The following KIAA0825 variants were observed in gnomAD, a reference collection of about 807,000 sequenced individuals.
KIAA0825 encodes the protein KIAA0825.
A neutral mutation model predicts 147.6 loss-of-function variants in KIAA0825; 119 were observed. The ratio of observed to expected loss-of-function variants is 0.81; its 90% confidence interval spans 0.69 to 0.94. KIAA0825 has a LOEUF of 0.94. KIAA0825 is among the 40% of genes least tolerant of loss of function. The pLI, the probability that KIAA0825 is intolerant of heterozygous loss-of-function variation, is 0.00. For missense variants in KIAA0825, 1,381 were observed against 1,472.7 expected, an observed-to-expected ratio of 0.94 and a Z score of 1.02; for synonymous variants, 470 against 518.1, an observed-to-expected ratio of 0.91 and a Z score of 1.26.
At position 94,484,763 on chromosome 5, in the gene KIAA0825, T is replaced by C; in HGVS notation, c.1132+6A>G. The C allele has an allele frequency of 1.4e-6, 2 of 1,462,106 alleles. No homozygotes were observed. The highest frequency in any genetic ancestry group is 1.8e-6 in the Non-Finnish European group (2 of 1,090,066). The allele number at this position is 1,462,106 out of a possible 1,614,324, so 90.6% of individuals were successfully genotyped here. A position where few individuals can be genotyped will look rare whatever the true frequency, so the allele number is the denominator to read the frequency against. On this transcript the variant is annotated splice_donor_region_variant and intron_variant, in intron 6 of 20. Coordinates refer to ENST00000682413, the MANE Select transcript of KIAA0825 (RefSeq NM_001145678.3). ...ATTTACAAATTTAAACAAAAGAGGA[T>C]ATTACCTGAAGTATCCCTGGTTATC...
chr5:94,258,920 C>T (rs1241074099), intron 20 of KIAA0825, among the ~76,000 whole-genome samples: 1 of 151,984 alleles, frequency 6.6e-6, no homozygotes, highest in Non-Finnish European at 1.5e-5. Context: ...GGGGTAATCT[C>T]TCACGACTCC....
chr5:94,473,850 A>G (rs1040975629), intron 7 of KIAA0825, among the ~76,000 whole-genome samples: 2 of 152,242 alleles, frequency 1.3e-5, no homozygotes, highest in Non-Finnish European at 2.9e-5. Flanking sequence ...ACTATTTATC[A>G]CATAAAACAA....
At chr5:94,552,958 A>G (rs1376099855) in intron 2 of KIAA0825, among the ~76,000 whole-genome samples, 2 of 152,224 alleles carry the variant, frequency 1.3e-5, no homozygotes, top group East Asian at 1.9e-4. Flanking sequence ...ATGGCACTGT[A>G]AAATTCCCAT....
intron 3 of KIAA0825, among the ~76,000 whole-genome samples, chr5:94,526,210 C>T (rs772814903): frequency 3.3e-5 from 5 of 151,918 alleles, no homozygotes; most frequent in South Asian, 4.1e-4. Flanking sequence ...ACTTAATTTT[C>T]ACCATTTAAA....
At chr5:94,396,062 C>A in intron 17 of KIAA0825, 39 bp downstream of exon 17, 1 of 1,392,890 alleles carries the variant, frequency 7.2e-7, no homozygotes, top group Non-Finnish European at 9.4e-7. Flanking sequence ...ATTGTGAAAG[C>A]ATTTGATGAA....
At chr5:94,534,997 T>C (rs1220166454) in intron 3 of KIAA0825, among the ~76,000 whole-genome samples, 1 of 152,100 alleles carries the variant, frequency 6.6e-6, no homozygotes, top group Non-Finnish European at 1.5e-5. Context: ...TATAAATACA[T>C]AATTACCCTA....
chr5:94,275,583 A>T (rs1202619669), intron 20 of KIAA0825, among the ~76,000 whole-genome samples: 1 of 152,144 alleles, frequency 6.6e-6, no homozygotes, highest in Non-Finnish European at 1.5e-5. Flanking sequence ...TCTTTGTTGA[A>T]TGAATGAATG....
At chr5:94,512,761 G>A (rs549567939) in intron 5 of KIAA0825, among the ~76,000 whole-genome samples, 69 of 152,176 alleles carry the variant, frequency 4.5e-4, no homozygotes, top group African/African-American at 1.6e-3. Flanking sequence ...GCCGGGCATG[G>A]TGGCAGGAGC....
At position 94,158,357 on chromosome 5, in the gene KIAA0825, G is replaced by C. The variant is rs536021416; in HGVS notation, c.3711-4233C>G. Among the ~76,000 whole-genome samples, 8 of 152,134 alleles carry C rather than the reference G, an allele frequency of 5.3e-5. No homozygotes were observed. In the East Asian group the frequency reaches 1.4e-3, roughly 26 times the overall value. On this transcript the variant is annotated intron_variant, in intron 20 of 20. Coordinates refer to ENST00000682413, the MANE Select transcript of KIAA0825 (RefSeq NM_001145678.3). ...TTTGGAGGAAGTTTGCCAAATTTGC[G>C]CTAGAATGATAGTTCTTAACTGGGG...
At chr5:94,573,270 G>T (rs1350430113) in intron 2 of KIAA0825, among the ~76,000 whole-genome samples, 9 of 124,894 alleles carry the variant, frequency 7.2e-5, no homozygotes, top group East Asian at 4.7e-4. Flanking sequence ...CTTTTTAAGT[G>T]TTTTTTTTTT....
At chr5:94,304,889 T>C (rs911328850) in intron 20 of KIAA0825, among the ~76,000 whole-genome samples, 1 of 152,032 alleles carries the variant, frequency 6.6e-6, no homozygotes, top group Non-Finnish European at 1.5e-5. Context: ...CTACATTTGT[T>C]ATTCTGCAAT....
intron 20 of KIAA0825, among the ~76,000 whole-genome samples, chr5:94,237,783 T>G (rs1238972054): frequency 1.3e-5 from 2 of 152,166 alleles, no homozygotes; most frequent in Admixed American, 6.6e-5. Context: ...TGATATAAAC[T>G]ATTCTTCCTA....
At chr5:94,505,399 TC>T (rs1765628619) in intron 5 of KIAA0825, among the ~76,000 whole-genome samples, 1 of 151,496 alleles carries the variant, frequency 6.6e-6, no homozygotes, top group South Asian at 2.1e-4. Flanking sequence ...TAAGTCTTCA[TC>T]CCCTTTTTTT....
chr5:94,433,594 T>G (rs1429457230), intron 14 of KIAA0825, among the ~76,000 whole-genome samples: 1 of 152,212 alleles, frequency 6.6e-6, no homozygotes, highest in African/African-American at 2.4e-5. Context: ...GCTGCCTGGG[T>G]CAAATCCTTC....
intron 20 of KIAA0825, among the ~76,000 whole-genome samples, chr5:94,187,751 C>G (rs1369854638): frequency 1.3e-5 from 2 of 152,070 alleles, no homozygotes; most frequent in African/African-American, 4.8e-5. Flanking sequence ...AAAACAAATT[C>G]CAAGGCCTAA....
rs1189398609 is a variant in KIAA0825 at position 94,312,051 on chromosome 5, TA to T, written c.3710+72316del. 7.9e-5 allele frequency among the ~76,000 whole-genome samples: 12 copies of T among 151,766 alleles called. No individual in the cohort carries two copies. The South Asian group carries it at 2.1e-3, about 26-fold the overall frequency. On this transcript the variant is annotated intron_variant, in intron 20 of 20. Transcript: ENST00000682413. ...TTTCAAAGGTCTATGCTGTGGACGT[TA>T]AAAATTCGCTCCAGGCTGACTCTTG...
intron 17 of KIAA0825, among the ~76,000 whole-genome samples, chr5:94,393,048 A>G (rs534446828): frequency 6.6e-6 from 1 of 152,318 alleles, no homozygotes; most frequent in Admixed American, 6.5e-5. Context: ...GGCCTTTTAA[A>G]CAAAGGAGTA....
intron 20 of KIAA0825, among the ~76,000 whole-genome samples, chr5:94,219,794 A>G (rs938277122): frequency 1.7e-4 from 26 of 152,200 alleles, no homozygotes; most frequent in African/African-American, 6.3e-4. Context: ...TAGGGCACTT[A>G]CCATGAATAG....
At chr5:94,354,250 A>G (rs1215801207) in intron 20 of KIAA0825, among the ~76,000 whole-genome samples, 3 of 152,204 alleles carry the variant, frequency 2.0e-5, no homozygotes, top group African/African-American at 7.2e-5. Context: ...TTATTTAGCT[A>G]CCATTAAGTG....
Sources: allele counts gnomAD v4.1 joint callset (sites outside exome capture counted in the v4.1 genomes callset), GRCh38; gene constraint gnomAD v4.1.1; transcripts MANE v1.5; gene names NCBI Gene and HGNC (gene_info 2026-07-23, HGNC 2026-07-21).